TET1: variants seen among roughly 807,000 people sequenced by gnomAD.
The protein encoded by TET1 is methylcytosine dioxygenase TET1.
In TET1, 13 loss-of-function variants were observed where a neutral mutation model predicts 148.7. That is an observed-to-expected ratio of 0.09 (90% CI 0.06 to 0.14). TET1 has a LOEUF of 0.14. TET1 is among the 10% of genes least tolerant of loss of function. The pLI is 1.00. For synonymous variants in TET1, 907 were observed against 937.2 expected (o/e 0.97, Z 0.59); for missense variants, 2,182 against 2,553.8 (o/e 0.85, Z 3.14).
Position 68,644,835 on chromosome 10 carries a change from G to C in TET1, c.2106G>C (p.Met702Ile). Residue 702 changes from methionine to isoleucine, a missense_variant, in exon 4 of 12, where the codon ATG (methionine) becomes ATC (isoleucine). Physicochemically the swap from Met to Ile is conservative, Grantham distance 10. Around this residue, in one of 11 missense-constraint regions of TET1, gnomAD observed 226 missense variants for 307.4 expected, o/e 0.74. Coordinates refer to ENST00000373644, the MANE Select transcript of TET1 (RefSeq NM_030625.3). ...VENVTKNEDSMTGIEVEKWTQ... is the reference protein window; with the variant it reads ...VENVTKNEDSITGIEVEKWTQ... ...ATGTAACTAAAAATGAAGACAGCAT[G>C]ACAGGCATCGAGGTGGAGAAGTGGA... is the stretch of plus-strand genomic sequence containing the variant. The C allele has an allele frequency of 2.5e-6, 4 of 1,613,918 alleles. No homozygotes were observed. Among genetic ancestry groups the C allele is most frequent in the Non-Finnish European group, 3.4e-6 (4 of 1,179,920 alleles).
At chr10:68,656,327 A>G (rs1476630187) in intron 6 of TET1, among the ~76,000 whole-genome samples, 1 of 152,130 alleles carries the variant, frequency 6.6e-6, no homozygotes, top group Non-Finnish European at 1.5e-5. Context: ...CAGTGGCTCA[A>G]TCTCGGCTCA....
At chr10:68,622,683 T>A (rs1259355753) in intron 3 of TET1, among the ~76,000 whole-genome samples, 1 of 148,826 alleles carries the variant, frequency 6.7e-6, no homozygotes, top group Non-Finnish European at 1.5e-5. Flanking sequence ...TTGCCTTTCA[T>A]GACATTGGCA....
chr10:68,664,678 T>TC (rs1435571663), intron 6 of TET1, among the ~76,000 whole-genome samples: 1 of 148,546 alleles, frequency 6.7e-6, no homozygotes, highest in African/African-American at 2.5e-5. Flanking sequence ...GCATTTTTTT[T>TC]TTTTTTTTTT....
At chr10:68,562,224 T>A (rs1014591097) in intron 1 of TET1, among the ~76,000 whole-genome samples, 1 of 151,892 alleles carries the variant, frequency 6.6e-6, no homozygotes, top group East Asian at 1.9e-4. Flanking sequence ...CAATATAAAG[T>A]AAAATAAAAG....
chr10:68,662,261 G>T (rs1485196257), intron 6 of TET1, among the ~76,000 whole-genome samples: 1 of 151,960 alleles, frequency 6.6e-6, no homozygotes, highest in Non-Finnish European at 1.5e-5. Context: ...CACCCGCCTT[G>T]ACCTCCCAAA....
chr10:68,653,517 T>C (rs947912080), intron 6 of TET1, among the ~76,000 whole-genome samples: 3 of 152,220 alleles, frequency 2.0e-5, no homozygotes, highest in Non-Finnish European at 4.4e-5. Context: ...GGTAATTTTA[T>C]TGGAATCATG....
At chr10:68,627,489 G>C (rs547350201) in intron 3 of TET1, among the ~76,000 whole-genome samples, 2 of 151,960 alleles carry the variant, frequency 1.3e-5, no homozygotes, top group Non-Finnish European at 2.9e-5. Context: ...CCAGCTACTC[G>C]GGAGGCTGAG....
At chr10:68,608,337 G>A (rs1196323143) in intron 3 of TET1, among the ~76,000 whole-genome samples, 1 of 152,138 alleles carries the variant, frequency 6.6e-6, no homozygotes, top group African/African-American at 2.4e-5. Flanking sequence ...CCAGGTTCAA[G>A]CGATTCTCCT....
At chr10:68,579,039 C>T (rs963062887) in intron 2 of TET1, among the ~76,000 whole-genome samples, 1 of 152,020 alleles carries the variant, frequency 6.6e-6, no homozygotes, top group African/African-American at 2.4e-5. Flanking sequence ...AACTACCTTA[C>T]TGAAATGTAT....
Position 68,573,905 on chromosome 10 carries a change from C to T in TET1, c.1567C>T (p.Leu523Phe), listed in dbSNP as rs2053699744. The T allele has an allele frequency of 3.7e-6, 6 of 1,614,162 alleles. No homozygotes were observed. In the East Asian group the frequency reaches 1.3e-4, roughly 36 times the overall value. ...GTTCCCATTAGCCCCTGAGAGAGGACTCTTCCATGCTTCACTGGGTATAGC... is the reference window on the plus strand; with the variant it reads ...GTTCCCATTAGCCCCTGAGAGAGGATTCTTCCATGCTTCACTGGGTATAGC... Reference protein sequence around the residue: ...QGFPLAPERGLFHASLGIAQL... With the variant: ...QGFPLAPERGFFHASLGIAQL... Residue 523 changes from leucine to phenylalanine, a missense_variant, in exon 2 of 12, where the codon CTC (leucine) becomes TTC (phenylalanine). Coordinates refer to ENST00000373644, the MANE Select transcript of TET1 (RefSeq NM_030625.3).
At chr10:68,651,733 G>T in intron 4 of TET1, 113 bp from the exon 5 acceptor site, 1 of 653,758 alleles carries the variant, frequency 1.5e-6, no homozygotes, top group Admixed American at 3.2e-5. Flanking sequence ...CCAAAACCTT[G>T]TCAAGATTCA....
intron 3 of TET1, among the ~76,000 whole-genome samples, chr10:68,607,359 A>G (rs2132901306): frequency 6.6e-6 from 1 of 152,176 alleles, no homozygotes. Flanking sequence ...CATGAGTCAG[A>G]TGAAAAGAGC....
chr10:68,585,462 G>A (rs1473461769), intron 2 of TET1, among the ~76,000 whole-genome samples: 5 of 152,052 alleles, frequency 3.3e-5, no homozygotes, highest in African/African-American at 1.2e-4. Context: ...TTTGATCCTA[G>A]TTTAAATGAT....
chr10:68,615,007 T>TC (rs1462811395), intron 3 of TET1, among the ~76,000 whole-genome samples: 1 of 152,024 alleles, frequency 6.6e-6, no homozygotes, highest in African/African-American at 2.4e-5. Flanking sequence ...TGATATCGGC[T>TC]CACTGCATCC....
chr10:68,596,677 T>C (rs933830088), intron 2 of TET1, among the ~76,000 whole-genome samples: 5 of 152,206 alleles, frequency 3.3e-5, no homozygotes, highest in Non-Finnish European at 5.9e-5. Flanking sequence ...TTGAAACACC[T>C]GATCTATGCT....
At chr10:68,660,912 C>G (rs899210523) in intron 6 of TET1, among the ~76,000 whole-genome samples, 1 of 152,180 alleles carries the variant, frequency 6.6e-6, no homozygotes, top group Non-Finnish European at 1.5e-5. Context: ...GATCCACCCG[C>G]CTCGGCCTCC....
intron 2 of TET1, among the ~76,000 whole-genome samples, chr10:68,583,921 T>G (rs1315124416): frequency 6.6e-6 from 1 of 151,648 alleles, no homozygotes; most frequent in Non-Finnish European, 1.5e-5. Flanking sequence ...AAAAAAGACA[T>G]GCTTATATTA....
intron 2 of TET1, among the ~76,000 whole-genome samples, chr10:68,592,730 C>T (rs1448878157): frequency 1.3e-5 from 2 of 152,190 alleles, no homozygotes; most frequent in Admixed American, 6.5e-5. Flanking sequence ...CTTGCCAACT[C>T]CTACCTGCCA....
chr10:68,610,446 C>G (rs1295744155), intron 3 of TET1, among the ~76,000 whole-genome samples: 1 of 151,832 alleles, frequency 6.6e-6, no homozygotes, highest in East Asian at 1.9e-4. Context: ...CAAAAATTAG[C>G]CAGGCATGGT....
Sources: allele counts gnomAD v4.1 joint callset (sites outside exome capture counted in the v4.1 genomes callset), GRCh38; gene constraint gnomAD v4.1.1; regional missense constraint gnomAD v4.1.1; transcripts MANE v1.5; gene names NCBI Gene and HGNC (gene_info 2026-07-23, HGNC 2026-07-21).